ERCC6: variants seen among roughly 807,000 people sequenced by gnomAD.
ERCC6 encodes ERCC excision repair 6, chromatin remodeling factor.
In ERCC6, 116 loss-of-function variants were observed where a neutral mutation model predicts 158.7. The ratio of observed to expected loss-of-function variants is 0.73; its 90% CI spans 0.63 to 0.85. The LOEUF is 0.85. Among genes scored for constraint, ERCC6 ranks in the 40% least tolerant of loss-of-function variants. The pLI is 0.00. For missense variants in ERCC6, 1,698 were observed against 1,799.4 expected, an observed-to-expected ratio of 0.94 and a Z score of 1.02; for synonymous variants, 678 against 659.3, an observed-to-expected ratio of 1.03 and a Z score of -0.43.
chr10:49,524,839 AT>A, intron 4 of ERCC6, 62 bp from the exon 5 acceptor site: 1 of 1,591,630 alleles, frequency 6.3e-7, no homozygotes, highest in Non-Finnish European at 8.5e-7. Flanking sequence ...TACAAAAGAA[AT>A]GCTCACTCTT....
At chr10:49,495,489 C>A (rs1851251759) in intron 7 of ERCC6, among the ~76,000 whole-genome samples, 1 of 152,150 alleles carries the variant, frequency 6.6e-6, no homozygotes, top group South Asian at 2.1e-4. Flanking sequence ...CTAATTCCCA[C>A]AATTTCAATT....
chr10:49,493,761 G>T lies in ERCC6; in HGVS notation c.1686-509C>A, dbSNP rs141790086. Among the ~76,000 whole-genome samples the T allele has an allele frequency of 4.2e-3, 639 of 152,314 alleles. 3 individuals carry two copies. Among genetic ancestry groups the T allele is most frequent in the African/African-American group, 0.015 (616 of 41,562 alleles). On this transcript the variant is annotated intron_variant, in intron 7 of 20. Coordinates refer to ENST00000355832, the MANE Select transcript of ERCC6 (RefSeq NM_000124.4). ...GGCTCATAAGGCTGGCATGGCCCAG[G>T]TGACATGGCTACCAGGGGACAGAGG...
At chr10:49,525,560 C>T (rs978439298) in intron 4 of ERCC6, among the ~76,000 whole-genome samples, 1 of 152,108 alleles carries the variant, frequency 6.6e-6, no homozygotes, top group African/African-American at 2.4e-5. Context: ...GCAAAATTAC[C>T]ACATAACCAA....
intron 18 of ERCC6, 65 bp downstream of exon 18, chr10:49,470,117 G>T: frequency 7.0e-7 from 1 of 1,431,086 alleles, no homozygotes; most frequent in Non-Finnish European, 9.9e-7. Context: ...GACTGCTACT[G>T]CTAGAAACAG....
At chr10:49,442,207 G>A in the ERCC6 span, among the ~76,000 whole-genome samples, 2 of 152,252 alleles carry the variant, frequency 1.3e-5, no homozygotes, top group African/African-American at 4.8e-5. Context: ...CCAAACGACA[G>A]TTACGCACGG....
chr10:49,529,127 C>T (rs1837410246), intron 3 of ERCC6, among the ~76,000 whole-genome samples: 1 of 152,228 alleles, frequency 6.6e-6, no homozygotes, highest in South Asian at 2.1e-4. Context: ...ATCACCAGAA[C>T]TCAGATATGT....
intron 8 of ERCC6, among the ~76,000 whole-genome samples, chr10:49,490,716 T>C (rs923587452): frequency 2.0e-5 from 3 of 152,206 alleles, no homozygotes; most frequent in African/African-American, 4.8e-5. Context: ...ATAATCTACT[T>C]GAACGATAAA....
chr10:49,474,182 C>G lies in ERCC6; in HGVS notation c.2443G>C (p.Gly815Arg). 6.2e-7 allele frequency: 1 copy of G among 1,614,132 alleles called. No homozygotes were observed. The highest frequency in any genetic ancestry group is 8.5e-7 in the Non-Finnish European group (1 of 1,180,014). The stretch of plus-strand genomic sequence containing the variant: ...GGAAGACCTTTGAGATTCTTGGGAC[C>G]TCCAGAAAAGAGATCAGGGTGGTTG... ...ICNHPDLFSGGPKNLKGLPDD... is the reference protein window; with the variant it reads ...ICNHPDLFSGRPKNLKGLPDD... The change falls in exon 13 of 21, where the codon GGT (glycine) becomes CGT (arginine). Residue 815 changes from glycine to arginine, a missense_variant. Transcript: ENST00000355832.
chr10:49,495,031 CCT>C (rs942239261), intron 7 of ERCC6, among the ~76,000 whole-genome samples: 2 of 152,232 alleles, frequency 1.3e-5, no homozygotes, highest in African/African-American at 4.8e-5. Context: ...CACTGTATTC[CCT>C]GTCTGCATCT....
Position 49,532,883 on chromosome 10 carries a change from CTTCA to C in ERCC6, c.78_81del (p.Asn26LysfsTer57), listed in dbSNP as rs1228394826. On this transcript the variant is annotated frameshift_variant, in exon 2 of 21. Coordinates refer to ENST00000355832, the MANE Select transcript of ERCC6 (RefSeq NM_000124.4). LOFTEE classifies it high-confidence loss of function. ...CCACTTTCTTGCTTGATTGCCATTT[CTTCA>C]TTATTACTGACAGGTTGACTCTGTA... is the stretch of plus-strand genomic sequence containing the variant. 6.2e-7 allele frequency: 1 copy of C among 1,614,242 alleles called. No individual in the cohort carries two copies. Among genetic ancestry groups the C allele is most frequent in the East Asian group, 2.2e-5 (1 of 44,890 alleles).
chr10:49,482,856 G>A lies in ERCC6; in HGVS notation c.2000C>T (p.Thr667Ile). The change falls in exon 10 of 21, where the codon ACC (threonine) becomes ATC (isoleucine). Residue 667 changes from threonine to isoleucine, a missense_variant. Thr to Ile is a moderately conservative substitution (Grantham distance 89). Coordinates refer to ENST00000355832, the MANE Select transcript of ERCC6 (RefSeq NM_000124.4). ...GCCAGACAGAATGATCCGATGAGGG[G>A]TGCGAAACTATTTGAGGAAAGGAAG... is the stretch of plus-strand genomic sequence containing the variant. ...AVTLACKQFR[T>I]PHRIILSGSP... 1 of 1,614,042 alleles carries A rather than the reference G, an allele frequency of 6.2e-7. No individual in the cohort carries two copies. The highest frequency in any genetic ancestry group is 1.1e-5 in the South Asian group (1 of 91,078).
intron 8 of ERCC6, among the ~76,000 whole-genome samples, chr10:49,492,857 G>T (rs550762495): frequency 1.3e-5 from 2 of 152,174 alleles, no homozygotes; most frequent in South Asian, 2.1e-4. Context: ...CTTGTGCCCT[G>T]TCTGAGATGA....
chr10:49,462,669 A>G (rs1850604087), intron 18 of ERCC6, among the ~76,000 whole-genome samples: 1 of 152,200 alleles, frequency 6.6e-6, no homozygotes, highest in Non-Finnish European at 1.5e-5. Flanking sequence ...GACAAAAGAC[A>G]TGAACAGACA....
At chr10:49,480,986 A>G (rs2060063289) in intron 10 of ERCC6, among the ~76,000 whole-genome samples, 2 of 152,246 alleles carry the variant, frequency 1.3e-5, no homozygotes, top group South Asian at 4.1e-4. Flanking sequence ...TATAGACTAG[A>G]TAACAGACTC....
chr10:49,532,683 A>G lies in ERCC6; in HGVS notation c.282T>C (p.Gly94=). ...EPSAQALELQ[G]LGVDVYDQDV... ...CCTGGTCATAGACGTCCACACCCAAACCCTGCAGCTCAAGGGCCTGGGCGC... is the reference window on the plus strand; with the variant it reads ...CCTGGTCATAGACGTCCACACCCAAGCCCTGCAGCTCAAGGGCCTGGGCGC... The change falls in exon 2 of 21, where the codon GGT becomes GGC. Residue 94 remains glycine, a synonymous_variant. Coordinates refer to ENST00000355832, the MANE Select transcript of ERCC6 (RefSeq NM_000124.4). 6.2e-7 allele frequency: 1 copy of G among 1,613,970 alleles called. No homozygotes were observed. The highest frequency in any genetic ancestry group is 8.5e-7 in the Non-Finnish European group (1 of 1,180,000).
Position 49,459,147 on chromosome 10 carries a change from G to C in ERCC6, c.4150C>G (p.Leu1384Val), listed in dbSNP as rs750916757. Residue 1384 changes from leucine (L) to valine (V), a missense_variant, in exon 21 of 21, where the codon CTC becomes GTC. By Grantham distance (32) the Leu-to-Val change is conservative. Transcript: ENST00000355832. Reference sequence around the variant, plus strand: ...TTAGCCAAGAGTGAGGAGGAAGCGAGGGGCCCGGATGAAGAGTCTGCATCT... The same window carrying C: ...TTAGCCAAGAGTGAGGAGGAAGCGACGGGCCCGGATGAAGAGTCTGCATCT... ...AEDADSSSGP[L>V]ASSSLLAKMR... The C allele has an allele frequency of 6.2e-7, 1 of 1,614,096 alleles. No individual in the cohort carries two copies. The highest frequency in any genetic ancestry group is 8.5e-7 in the Non-Finnish European group (1 of 1,180,044).
chr10:49,451,783 A>G (rs1398144618), downstream of ERCC6, among the ~76,000 whole-genome samples: 3 of 152,126 alleles, frequency 2.0e-5, no homozygotes, highest in East Asian at 3.9e-4. Context: ...ACTCCCTCCT[A>G]TTTCTTGAAA....
intron 16 of ERCC6, among the ~76,000 whole-genome samples, 176 bp downstream of exon 16, chr10:49,472,200 A>G (rs1850793246): frequency 6.6e-6 from 1 of 152,254 alleles, no homozygotes; most frequent in African/African-American, 2.4e-5. Context: ...AACTCACAGT[A>G]AGACATCTAA....
At chr10:49,512,603 C>T (rs1237208664) in intron 5 of ERCC6, among the ~76,000 whole-genome samples, 1 of 152,138 alleles carries the variant, frequency 6.6e-6, no homozygotes, top group Non-Finnish European at 1.5e-5. Context: ...TTTTACTATG[C>T]CTATGATACG....
Sources: gnomAD v4.1 joint callset for allele counts (sites outside exome capture counted in the v4.1 genomes callset) on GRCh38, gnomAD v4.1.1 for gene constraint, MANE v1.5 for transcripts, NCBI Gene and HGNC (gene_info 2026-07-23, HGNC 2026-07-21) for gene names.